The following AFG2A variants were observed in gnomAD, a reference collection of about 807,000 sequenced individuals.
AFG2A encodes the protein ATPase family gene 2 protein homolog A.
the AFG2A span, among the ~76,000 whole-genome samples, chr4:123,076,732 C>T: frequency 0.041 from 6,186 of 151,720 alleles, 404 homozygotes; most frequent in African/African-American, 0.14. Context: ...CTTTTGACCC[C>T]CAAAAGAAAT....
the AFG2A span, among the ~76,000 whole-genome samples, chr4:123,247,276 A>G: frequency 6.6e-6 from 1 of 151,868 alleles, no homozygotes; most frequent in Non-Finnish European, 1.5e-5. Context: ...ATAAATATAT[A>G]TATCATTACT....
the AFG2A span, among the ~76,000 whole-genome samples, chr4:123,156,018 A>C: frequency 5.9e-5 from 9 of 152,198 alleles, no homozygotes; most frequent in African/African-American, 2.2e-4. Context: ...GAAGCATGGC[A>C]GCTTCTACCT....
At chr4:123,087,711 T>C in the AFG2A span, among the ~76,000 whole-genome samples, 18 of 152,282 alleles carry the variant, frequency 1.2e-4, no homozygotes, top group East Asian at 3.5e-3. Flanking sequence ...TGGCACTGGC[T>C]CTCATGGAGG....
the AFG2A span, among the ~76,000 whole-genome samples, chr4:123,282,827 G>A: frequency 7.8e-6 from 1 of 128,568 alleles, no homozygotes; most frequent in Non-Finnish European, 1.7e-5. Flanking sequence ...GAAGAAGGAA[G>A]GGAAAAGAAA....
chr4:123,242,578 C>T, the AFG2A span, among the ~76,000 whole-genome samples: 14 of 152,308 alleles, frequency 9.2e-5, no homozygotes, highest in African/African-American at 3.1e-4. Flanking sequence ...CCCTTCCTTA[C>T]ACCTTATACA....
chr4:123,047,110 C>G, the AFG2A span, among the ~76,000 whole-genome samples: 1 of 152,000 alleles, frequency 6.6e-6, no homozygotes, highest in African/African-American at 2.4e-5. Flanking sequence ...TGGTAGTAAA[C>G]CCAGTAGTGG....
chr4:123,155,845 G>C, the AFG2A span, among the ~76,000 whole-genome samples: 1 of 152,092 alleles, frequency 6.6e-6, no homozygotes, highest in Non-Finnish European at 1.5e-5. Flanking sequence ...CTAAAATGTT[G>C]TTTTTCTGTT....
the AFG2A span, among the ~76,000 whole-genome samples, chr4:123,030,903 T>G: frequency 7.2e-5 from 11 of 152,182 alleles, no homozygotes; most frequent in African/African-American, 2.7e-4. Context: ...CAAAACGTTT[T>G]GAATTTTGGA....
the AFG2A span, among the ~76,000 whole-genome samples, chr4:123,087,335 G>T: frequency 1.3e-5 from 2 of 152,074 alleles, no homozygotes; most frequent in African/African-American, 4.8e-5. Flanking sequence ...AGATGGAGCT[G>T]GAGTTTTTTA....
At chr4:123,313,249 A>G in the AFG2A span, among the ~76,000 whole-genome samples, 1 of 151,954 alleles carries the variant, frequency 6.6e-6, no homozygotes, top group Non-Finnish European at 1.5e-5. Context: ...CAATTCTTCC[A>G]GCTTTCCTGG....
At chr4:123,052,389 C>T in the AFG2A span, among the ~76,000 whole-genome samples, 1 of 152,170 alleles carries the variant, frequency 6.6e-6, no homozygotes, top group Admixed American at 6.5e-5. Context: ...TCTCTTAAAA[C>T]AGGTATTTTG....
At chr4:123,003,171 C>G in the AFG2A span, among the ~76,000 whole-genome samples, 161 of 152,286 alleles carry the variant, frequency 1.1e-3, no homozygotes, top group African/African-American at 3.6e-3. Context: ...CCTTTAAGCA[C>G]TTCTCTATAT....
the AFG2A span, among the ~76,000 whole-genome samples, chr4:123,055,408 A>G: frequency 2.6e-5 from 4 of 152,116 alleles, no homozygotes; most frequent in African/African-American, 9.7e-5. Context: ...GTACCTGTGC[A>G]TTGCTCTATC....
At chr4:122,952,752 T>C in the AFG2A span, among the ~76,000 whole-genome samples, 1 of 152,190 alleles carries the variant, frequency 6.6e-6, no homozygotes, top group Non-Finnish European at 1.5e-5. Context: ...TGGGGCAAGA[T>C]GGTAAAAGTC....
the AFG2A span, among the ~76,000 whole-genome samples, chr4:122,970,074 A>G: frequency 6.6e-6 from 1 of 152,212 alleles, no homozygotes; most frequent in Non-Finnish European, 1.5e-5. Flanking sequence ...TAGTGTTTAC[A>G]GTAGAGTATA....
At chr4:122,986,035 C>T in the AFG2A span, among the ~76,000 whole-genome samples, 19 of 151,962 alleles carry the variant, frequency 1.3e-4, no homozygotes, top group Middle Eastern at 3.4e-3. Flanking sequence ...TTTGACCCAG[C>T]GCTCATTCAG....
chr4:123,103,256 T>C, the AFG2A span, among the ~76,000 whole-genome samples: 1 of 152,158 alleles, frequency 6.6e-6, no homozygotes, highest in Admixed American at 6.5e-5. Flanking sequence ...TAACAAATAA[T>C]GATTCAAATT....
chr4:123,072,783 G>A, the AFG2A span, among the ~76,000 whole-genome samples: 1 of 130,426 alleles, frequency 7.7e-6, no homozygotes, highest in East Asian at 2.4e-4. Flanking sequence ...CAAGAGTTTT[G>A]TGATATTGGA....
chr4:123,187,229 G>T, the AFG2A span, among the ~76,000 whole-genome samples: 1 of 152,026 alleles, frequency 6.6e-6, no homozygotes, highest in African/African-American at 2.4e-5. Context: ...TTGTGTTTAC[G>T]GTACTCTCCG....
Sources: gnomAD v4.1 joint callset for allele counts (sites outside exome capture counted in the v4.1 genomes callset) on GRCh38, gnomAD v4.1.1 for gene constraint, MANE v1.5 for transcripts, NCBI Gene and HGNC (gene_info 2026-07-23, HGNC 2026-07-21) for gene names.